MOB3B: variants seen among roughly 807,000 people sequenced by gnomAD.
MOB3B encodes the protein MOB kinase activator 3B.
A neutral mutation model predicts 18.7 loss-of-function variants in MOB3B; 7 were observed. That is an observed-to-expected ratio of 0.37 (90% CI 0.21 to 0.70). The LOEUF (loss-of-function observed/expected upper bound fraction) is 0.70. Ranked by LOEUF, MOB3B falls within the 30% of genes least tolerant of loss-of-function variation. MOB3B has a pLI of 0.52. For synonymous variants in MOB3B, 111 were observed against 99.9 expected, an observed-to-expected ratio of 1.11 and a Z score of -0.66; for missense variants, 253 against 281.3, an observed-to-expected ratio of 0.90 and a Z score of 0.72.
chr9:27,416,625 G>A (rs949950411), intron 2 of MOB3B, among the ~76,000 whole-genome samples: 1 of 139,624 alleles, frequency 7.2e-6, no homozygotes, highest in Non-Finnish European at 1.5e-5. Flanking sequence ...TGACCTCCTG[G>A]GCTCAAGTGA....
chr9:27,430,089 T>C (rs1393714681), intron 2 of MOB3B, among the ~76,000 whole-genome samples: 1 of 152,226 alleles, frequency 6.6e-6, no homozygotes, highest in Admixed American at 6.5e-5. Flanking sequence ...CATTTCACCC[T>C]GTCTGATCAA....
intron 1 of MOB3B, among the ~76,000 whole-genome samples, chr9:27,514,012 C>T (rs1401668867): frequency 6.6e-6 from 1 of 152,034 alleles, no homozygotes; most frequent in African/African-American, 2.4e-5. Flanking sequence ...CCATGAGAAA[C>T]CGTATTATCA....
chr9:27,465,955 G>T (rs1180251910), intron 1 of MOB3B, among the ~76,000 whole-genome samples: 1 of 152,206 alleles, frequency 6.6e-6, no homozygotes, highest in Non-Finnish European at 1.5e-5. Flanking sequence ...GGGTGGGGCA[G>T]CCATGAAGAT....
At chr9:27,471,212 C>A (rs1373323385) in intron 1 of MOB3B, among the ~76,000 whole-genome samples, 1 of 152,190 alleles carries the variant, frequency 6.6e-6, no homozygotes, top group African/African-American at 2.4e-5. Context: ...GTCTGACATG[C>A]CTGGCCTGGC....
intron 2 of MOB3B, chr9:27,394,143 C>G (rs1305448053): frequency 1.3e-5 from 2 of 152,138 alleles, no homozygotes. Flanking sequence ...AAGTTGGTCA[C>G]TGTATTTCCT....
chr9:27,330,609 A>G lies in MOB3B; in HGVS notation c.629T>C (p.Met210Thr), dbSNP rs747424920. ...GCATTAGTGACACATCCTGCTCGTCATTTCTTTCTGGAAAGCAAGGGGAAA... is the reference window on the plus strand; with the variant it reads ...GCATTAGTGACACATCCTGCTCGTCGTTTCTTTCTGGAAAGCAAGGGGAAA... ...DRKELEPLKE[M>T]TSRMCH The change falls in exon 4 of 4, where the codon ATG becomes ACG. Residue 210 changes from methionine to threonine, a missense_variant. Physicochemically the swap from Met to Thr is moderately conservative, Grantham distance 81. Coordinates refer to ENST00000262244, the MANE Select transcript of MOB3B (RefSeq NM_024761.5). The G allele has an allele frequency of 5.5e-5, 89 of 1,613,904 alleles. No individual in the cohort carries two copies. The highest frequency in any genetic ancestry group is 7.1e-5 in the Non-Finnish European group (84 of 1,179,972).
In MOB3B at chr9:27,488,699, C is replaced by A. The variant is rs185230347; in HGVS notation, c.-198-32951G>T. On this transcript the variant is annotated intron_variant, in intron 1 of 3. Coordinates refer to ENST00000262244, the MANE Select transcript of MOB3B (RefSeq NM_024761.5). The stretch of plus-strand genomic sequence containing the variant: ...CTGGGATTACAGGTGTGAGCCACTG[C>A]GCCCTGCCTGGTGTCACATCTCTAA... Among the ~76,000 whole-genome samples the A allele has an allele frequency of 1.6e-4, 25 of 152,312 alleles. No individual in the cohort carries two copies. The East Asian group carries it at 4.8e-3, about 29-fold the overall frequency.
chr9:27,359,389 G>GGT (rs1821241893), intron 2 of MOB3B, among the ~76,000 whole-genome samples, 153 bp from the exon 3 acceptor site: 1 of 150,308 alleles, frequency 6.7e-6, no homozygotes, highest in Non-Finnish European at 1.5e-5. Flanking sequence ...GGGGGGGGGG[G>GGT]GTTGGTAGCA....
intron 2 of MOB3B, among the ~76,000 whole-genome samples, chr9:27,415,980 A>T (rs895156949): frequency 3.9e-5 from 6 of 152,198 alleles, no homozygotes; most frequent in African/African-American, 1.4e-4. Flanking sequence ...TCACCCCTGG[A>T]TTATCTGTAG....
rs145189336 is a variant in MOB3B, at chr9:27,405,996, T to C, written c.419-46760A>G. Among the ~76,000 whole-genome samples the C allele has an allele frequency of 2.7e-4, 41 of 152,324 alleles. No homozygotes were observed. The East Asian group carries it at 7.3e-3, about 27-fold the overall frequency. On this transcript the variant is annotated intron_variant, in intron 2 of 3. Transcript: ENST00000262244. ...ATCGAACTAGGAAAAACTAAAGTTT[T>C]TATCTAAGATTTGGAACAAGACAAG...
At chr9:27,462,744 T>C (rs1276031104) in intron 1 of MOB3B, among the ~76,000 whole-genome samples, 3 of 152,246 alleles carry the variant, frequency 2.0e-5, no homozygotes, top group Non-Finnish European at 4.4e-5. Context: ...TGTTTACTCT[T>C]AGCCACTAAG....
At chr9:27,383,300 G>A (rs1821605565) in intron 2 of MOB3B, among the ~76,000 whole-genome samples, 1 of 152,120 alleles carries the variant, frequency 6.6e-6, no homozygotes, top group African/African-American at 2.4e-5. Flanking sequence ...ATAAAAAGTG[G>A]TACAGAAGAA....
At chr9:27,437,631 C>T (rs2131429353) in intron 2 of MOB3B, among the ~76,000 whole-genome samples, 1 of 152,294 alleles carries the variant, frequency 6.6e-6, no homozygotes, top group African/African-American at 2.4e-5. Flanking sequence ...ACAAAGTGTG[C>T]AACACTGTCA....
intron 1 of MOB3B, among the ~76,000 whole-genome samples, chr9:27,521,084 G>T (rs1041212547): frequency 2.6e-5 from 4 of 152,044 alleles, no homozygotes; most frequent in African/African-American, 9.7e-5. Flanking sequence ...CCTTGCTCTT[G>T]GGGAACCCTA....
intron 2 of MOB3B, among the ~76,000 whole-genome samples, chr9:27,443,961 A>G (rs1486091724): frequency 6.6e-6 from 1 of 152,088 alleles, no homozygotes; most frequent in African/African-American, 2.4e-5. Context: ...ACCTATGCAG[A>G]TATCATAATC....
At chr9:27,383,092 C>T (rs529951030) in intron 2 of MOB3B, among the ~76,000 whole-genome samples, 18 of 152,122 alleles carry the variant, frequency 1.2e-4, no homozygotes, top group Admixed American at 1.2e-3. Context: ...CTGTTTAGAC[C>T]TGAAGGTGAG....
At chr9:27,484,744 C>T (rs1007172168) in intron 1 of MOB3B, among the ~76,000 whole-genome samples, 15 of 152,046 alleles carry the variant, frequency 9.9e-5, no homozygotes, top group African/African-American at 1.4e-4. Context: ...ATCAACCCCC[C>T]GACCCCCGGC....
At position 27,359,270 on chromosome 9, in the gene MOB3B, A is replaced by G. The variant is rs41272861; in HGVS notation, c.419-34T>C. ...GAAAAAAAGAAGAAAGAATGAAACCATGATGGGATAGATCCTTTTCCTCTT... is the reference window on the plus strand; with the variant it reads ...GAAAAAAAGAAGAAAGAATGAAACCGTGATGGGATAGATCCTTTTCCTCTT... On this transcript the variant is annotated intron_variant, in intron 2 of 3. Transcript: ENST00000262244. The G allele has an allele frequency of 8.4e-3, 13,202 of 1,563,874 alleles. 97 individuals are homozygous for G. Among genetic ancestry groups the G allele is most frequent in the African/African-American group, 0.019 (1,432 of 73,786 alleles).
intron 2 of MOB3B, among the ~76,000 whole-genome samples, chr9:27,424,770 A>G (rs1822302440): frequency 6.6e-6 from 1 of 152,186 alleles, no homozygotes; most frequent in Non-Finnish European, 1.5e-5. Context: ...CAACTCATAC[A>G]TAGTAAGTTC....
Sources: gnomAD v4.1 joint callset for allele counts (sites outside exome capture counted in the v4.1 genomes callset) on GRCh38, gnomAD v4.1.1 for gene constraint, MANE v1.5 for transcripts, NCBI Gene and HGNC (gene_info 2026-07-23, HGNC 2026-07-21) for gene names.